USF1: variants seen among roughly 807,000 people sequenced by gnomAD.
USF1 encodes the protein upstream stimulatory factor 1.
Under a neutral mutation model 46.3 loss-of-function variants are expected in USF1, and 22 were observed. The observed-to-expected ratio is 0.47, with a 90% confidence interval of 0.34 to 0.68. The LOEUF is 0.68. Ranked by LOEUF, USF1 falls within the 30% of genes least tolerant of loss-of-function variation. The pLI, the probability that USF1 is intolerant of heterozygous loss-of-function variation, is 0.01. For synonymous variants in USF1, 150 were observed against 147.0 expected, an observed-to-expected ratio of 1.02 and a Z score of -0.15; for missense variants, 287 against 399.3, an observed-to-expected ratio of 0.72 and a Z score of 2.40.
At chr1:161,041,960 A>T in intron 5 of USF1, 114 bp from the exon 6 acceptor site, 1 of 1,339,002 alleles carries the variant, frequency 7.5e-7, no homozygotes, top group Non-Finnish European at 1.0e-6. Context: ...AGAGAGAGAG[A>T]GAGAGAGAGA....
intron 4 of USF1, 95 bp from the exon 5 acceptor site, chr1:161,042,312 G>A (rs572849210): frequency 1.5e-6 from 2 of 1,317,078 alleles, no homozygotes; most frequent in East Asian, 2.4e-5. Context: ...CCTTGGATAG[G>A]GCCCCAAAAC....
In USF1 at chr1:161,040,397, G is replaced by A; in HGVS notation, c.715-67C>T. ...TACCCAGCTTGCTTTCCAAAAGTAGGTTCACACTTTGGACCTCATTTTCAT... is the reference window on the plus strand; with the variant it reads ...TACCCAGCTTGCTTTCCAAAAGTAGATTCACACTTTGGACCTCATTTTCAT... On this transcript the variant is annotated intron_variant, in intron 9 of 10. Coordinates refer to ENST00000368021, the MANE Select transcript of USF1 (RefSeq NM_007122.5). This position sits in a 1 kb window ranked among gnomAD's most constrained non-coding sequence, Gnocchi z 4.0. The A allele has an allele frequency of 2.5e-6, 4 of 1,604,540 alleles. No homozygotes were observed. The highest frequency in any genetic ancestry group is 1.1e-5 in the South Asian group (1 of 90,224).
chr1:161,040,408 G>T lies in USF1; in HGVS notation c.715-78C>A, dbSNP rs1056512171. On this transcript the variant is annotated intron_variant, in intron 9 of 10. Transcript: ENST00000368021. This position sits in a 1 kb window ranked among gnomAD's most constrained non-coding sequence, Gnocchi z 4.0. The stretch of plus-strand genomic sequence containing the variant: ...CTTTCCAAAAGTAGGTTCACACTTT[G>T]GACCTCATTTTCATCTAAGGAAGGT... 2.5e-6 allele frequency: 4 copies of T among 1,596,554 alleles called. No individual in the cohort carries two copies. The highest frequency in any genetic ancestry group is 4.5e-5 in the East Asian group (2 of 44,696).
chr1:161,045,224 A>G (rs1198947028), intron 1 of USF1, among the ~76,000 whole-genome samples: 1 of 152,204 alleles, frequency 6.6e-6, no homozygotes, highest in Non-Finnish European at 1.5e-5. Flanking sequence ...ACACCCAGCA[A>G]CGGGGTCAGG....
intron 1 of USF1, chr1:161,045,079 T>C (rs1650743899): frequency 6.6e-6 from 1 of 152,152 alleles, no homozygotes; most frequent in African/African-American, 2.4e-5. Flanking sequence ...CACCTACATT[T>C]CCATCTTCAA....
chr1:161,041,946 G>GAGA (rs1650582372), intron 5 of USF1, 100 bp from the exon 6 acceptor site: 1 of 871,598 alleles, frequency 1.1e-6, no homozygotes, highest in African/African-American at 1.8e-5. Flanking sequence ...TAGGTAGGGT[G>GAGA]GAGAGAGAGA....
In USF1 at chr1:161,042,149, G is replaced by C. The variant is rs780681166; in HGVS notation, c.243C>G (p.Ile81Met). The C allele has an allele frequency of 6.2e-7, 1 of 1,613,954 alleles. No individual in the cohort carries two copies. The highest frequency in any genetic ancestry group is 1.1e-5 in the South Asian group (1 of 91,062). ...TGGATTGAGTGGCAGGGTAGCCACT[G>C]ATGGCGCCAGTTCCCTCAGTTTGGC... Reference protein sequence around the residue: ...LDGQTEGTGAISGYPATQSMT... With the variant: ...LDGQTEGTGAMSGYPATQSMT... The change falls in exon 5 of 11, where the codon ATC becomes ATG. Residue 81 changes from isoleucine to methionine, a missense_variant. Physicochemically the swap from Ile to Met is conservative, Grantham distance 10 (BLOSUM62 1). Transcript: ENST00000368021.
chr1:161,040,338 ATAAG>A lies in USF1; in HGVS notation c.715-12_715-9del. 6.2e-7 allele frequency: 1 copy of A among 1,613,694 alleles called. No homozygotes were observed. The highest frequency in any genetic ancestry group is 1.1e-5 in the South Asian group (1 of 91,016). ...TAGAATCCCACCTTTACTCTGCAAG[ATAAG>A]GTCAACAAAATGAGAACTAGGATTT... On this transcript the variant is annotated splice_polypyrimidine_tract_variant and intron_variant, in intron 9 of 10. Transcript: ENST00000368021. The surrounding 1 kb of genome is among the most constrained non-coding windows in gnomAD (Gnocchi z 4.0).
At chr1:161,045,414 A>T (rs1233661536) in intron 1 of USF1, among the ~76,000 whole-genome samples, 3 of 152,212 alleles carry the variant, frequency 2.0e-5, no homozygotes, top group African/African-American at 7.2e-5. Context: ...GAAGTCAGGC[A>T]CCTAGACCTT....
In USF1 at chr1:161,042,115, C is replaced by G; in HGVS notation, c.276+1G>C. 1 of 1,612,398 alleles carries G rather than the reference C, an allele frequency of 6.2e-7. No homozygotes were observed. The highest frequency in any genetic ancestry group is 8.5e-7 in the Non-Finnish European group (1 of 1,179,076). On this transcript the variant is annotated splice_donor_variant, in intron 5 of 10. Coordinates refer to ENST00000368021, the MANE Select transcript of USF1 (RefSeq NM_007122.5). LOFTEE classifies it high-confidence loss of function. ...TGACCTCCCCAGCCCATACCCTGTACCTGGGTCATGGATTGAGTGGCAGGG... is the reference window on the plus strand; with the variant it reads ...TGACCTCCCCAGCCCATACCCTGTAGCTGGGTCATGGATTGAGTGGCAGGG...
In USF1 at chr1:161,041,358, G is replaced by A. The variant is rs1557905890; in HGVS notation, c.526C>T (p.Arg176Cys). 8.1e-6 allele frequency: 13 copies of A among 1,613,160 alleles called. No homozygotes were observed. Among genetic ancestry groups the A allele is most frequent in the African/African-American group, 1.3e-5 (1 of 74,778 alleles). ...PQEVLQGGSQ[R>C]SIAPRTHPYS... Reference sequence around the variant, plus strand: ...GGGTGAGTCCTAGGGGCAATTGAGCGCTGGCTTCCTCCCTGCAGTACTTCT... The same window carrying A: ...GGGTGAGTCCTAGGGGCAATTGAGCACTGGCTTCCTCCCTGCAGTACTTCT... Residue 176 changes from arginine (R) to cysteine (C), a missense_variant, in exon 7 of 11, where the codon CGC becomes TGC. Transcript: ENST00000368021.
chr1:161,040,307 T>C lies in USF1; in HGVS notation c.738A>G (p.Lys246=). 1 of 1,614,172 alleles carries C rather than the reference T, an allele frequency of 6.2e-7. No individual in the cohort carries two copies. The highest frequency in any genetic ancestry group is 8.5e-7 in the Non-Finnish European group (1 of 1,180,034). Residue 246 remains lysine (K), a synonymous_variant, in exon 10 of 11, where the codon AAA becomes AAG. Transcript: ENST00000368021. This position sits in a 1 kb window ranked among gnomAD's most constrained non-coding sequence, Gnocchi z 4.0. ...GAAGCTCCTGGATATAATCACAAGC[T>C]TTGGATAGAATCCCACCTTTACTCT... The part of the protein sequence containing the change: ...SGQSKGGILS[K]ACDYIQELRQ...
chr1:161,042,365 C>A, intron 4 of USF1, 148 bp from the exon 5 acceptor site: 1 of 1,049,592 alleles, frequency 9.5e-7, no homozygotes, highest in Non-Finnish European at 1.4e-6. Flanking sequence ...TCCCTTCTTT[C>A]CCCACACAGA....
intron 4 of USF1, 134 bp downstream of exon 4, chr1:161,042,421 T>C (rs1291861677): frequency 1.9e-6 from 2 of 1,079,140 alleles, no homozygotes; most frequent in African/African-American, 3.1e-5. Flanking sequence ...ACTCCAGTAT[T>C]AGCACCTCCC....
chr1:161,043,179 G>C, intron 2 of USF1, 89 bp downstream of exon 2: 1 of 1,605,788 alleles, frequency 6.2e-7, no homozygotes, highest in Non-Finnish European at 8.5e-7. Flanking sequence ...ATCCAGGTCT[G>C]CCTGACTCCA....
chr1:161,043,159 T>C (rs1650644054), intron 2 of USF1, 109 bp downstream of exon 2: 1 of 1,582,014 alleles, frequency 6.3e-7, no homozygotes. Flanking sequence ...AGTGATAGAG[T>C]AGAACCTGAA....
chr1:161,043,527 A>G (rs79470246), intron 1 of USF1, among the ~76,000 whole-genome samples, 167 bp from the exon 2 acceptor site: 245 of 152,252 alleles, frequency 1.6e-3, no homozygotes, highest in African/African-American at 5.3e-3. Context: ...AGTGATTGAA[A>G]AAGCAAGGCT....
intron 2 of USF1, 154 bp downstream of exon 2, chr1:161,043,114 C>T: frequency 7.2e-7 from 1 of 1,393,718 alleles, no homozygotes; most frequent in Non-Finnish European, 1.0e-6. Context: ...AGCACTACTT[C>T]CATTTTATAG....
intron 1 of USF1, among the ~76,000 whole-genome samples, chr1:161,044,528 G>C (rs2102016062): frequency 6.6e-6 from 1 of 152,184 alleles, no homozygotes; most frequent in Admixed American, 6.5e-5. Flanking sequence ...CTCTTGTTTT[G>C]GGGTATCCAG....
Sources: gnomAD v4.1 joint callset for allele counts (sites outside exome capture counted in the v4.1 genomes callset) on GRCh38, gnomAD v4.1.1 for gene constraint, Gnocchi (gnomAD v3.1) non-coding constraint, MANE v1.5 for transcripts, NCBI Gene and HGNC (gene_info 2026-07-23, HGNC 2026-07-21) for gene names.